TTC6: variants seen among roughly 807,000 people sequenced by gnomAD.
TTC6 encodes the protein tetratricopeptide repeat protein 6.
In TTC6, 172 loss-of-function variants were observed where a neutral mutation model predicts 210.4. The observed-to-expected ratio is 0.82, with a 90% CI of 0.72 to 0.93. The LOEUF (loss-of-function observed/expected upper bound fraction) is 0.93. TTC6 is among the 40% of genes least tolerant of loss of function. TTC6 has a pLI of 0.00. For synonymous variants in TTC6, 804 were observed against 819.6 expected, an observed-to-expected ratio of 0.98 and a Z score of 0.32; for missense variants, 2,414 against 2,318.1, an observed-to-expected ratio of 1.04 and a Z score of -0.85.
At chr14:37,768,144 T>C (rs1464148977) in intron 14 of TTC6, among the ~76,000 whole-genome samples, 1 of 150,548 alleles carries the variant, frequency 6.6e-6, no homozygotes, top group African/African-American at 2.4e-5. Context: ...GGCTCTGTTC[T>C]GTTCCATTGA....
chr14:37,706,860 A>T (rs964854319), intron 5 of TTC6, among the ~76,000 whole-genome samples: 6 of 152,044 alleles, frequency 3.9e-5, no homozygotes. Context: ...TGTCCCTTGT[A>T]GATTGCATAG....
chr14:37,769,835 C>G (rs2096012200), intron 14 of TTC6, among the ~76,000 whole-genome samples: 2 of 151,796 alleles, frequency 1.3e-5, no homozygotes, highest in Admixed American at 6.6e-5. Context: ...TATTTCTTGC[C>G]TTCTGCTAGC....
Position 37,749,726 on chromosome 14 carries a change from G to T in TTC6, c.2839G>T (p.Glu947Ter). The T allele has an allele frequency of 7.0e-7, 1 of 1,430,468 alleles. No homozygotes were observed. The highest frequency in any genetic ancestry group is 1.6e-5 in the South Asian group (1 of 64,254). The allele number at this position is 1,430,468 out of a possible 1,614,324, so 88.6% of individuals were successfully genotyped here. ...ATATATTTTCTAGGTAATACTCTTG[G>T]AACCATTGTTTCTCAATGCCTATTG... Residue 947 changes from glutamate to a stop codon, truncating the protein, a stop_gained, in exon 12 of 31, where the codon GAA (glutamate) becomes TAA (stop). Transcript: ENST00000553443. LOFTEE classifies it high-confidence loss of function.
chr14:37,706,868 T>C (rs1030985717), intron 5 of TTC6, among the ~76,000 whole-genome samples: 1 of 152,104 alleles, frequency 6.6e-6, no homozygotes, highest in East Asian at 1.9e-4. Context: ...GTAGATTGCA[T>C]AGACTTAAAT....
chr14:37,680,080 T>G (rs2095779802), intron 1 of TTC6, 71 bp from the exon 4 acceptor site: 1 of 828,540 alleles, frequency 1.2e-6, no homozygotes, highest in East Asian at 2.7e-5. Flanking sequence ...GACTAGCATT[T>G]TAGTATAATG....
At chr14:37,615,710 C>G (rs1343445325) in intron 2 of TTC6, among the ~76,000 whole-genome samples, 1 of 152,092 alleles carries the variant, frequency 6.6e-6, no homozygotes, top group Non-Finnish European at 1.5e-5. Context: ...ATGTCCTTTT[C>G]TAATAATCTG....
At chr14:37,639,916 GATATATCT>G (rs146831238) in intron 1 of TTC6, among the ~76,000 whole-genome samples, 11,643 of 145,458 alleles carry the variant, frequency 0.08, 619 homozygotes, top group African/African-American at 0.15. Context: ...AGAAAAATAA[GATATATCT>G]ATATATCTAT....
At chr14:37,638,243 C>T (rs566961200) in intron 1 of TTC6, among the ~76,000 whole-genome samples, 87 of 152,128 alleles carry the variant, frequency 5.7e-4, no homozygotes, top group African/African-American at 2.0e-3. Context: ...ATATAATGTT[C>T]TTTCTTTTCT....
intron 2 of TTC6, among the ~76,000 whole-genome samples, chr14:37,608,858 G>A (rs2095629654): frequency 1.3e-5 from 2 of 151,518 alleles, no homozygotes; most frequent in Non-Finnish European, 1.5e-5. Flanking sequence ...TGAACTACAG[G>A]GGGCTTTGAA....
At chr14:37,661,890 G>T (rs1343046473) in intron 1 of TTC6, among the ~76,000 whole-genome samples, 1 of 152,100 alleles carries the variant, frequency 6.6e-6, no homozygotes, top group Non-Finnish European at 1.5e-5. Flanking sequence ...CACTTCCCTT[G>T]TTAGCTGTAT....
intron 1 of TTC6, among the ~76,000 whole-genome samples, chr14:37,669,774 G>T (rs761401049): frequency 5.3e-5 from 8 of 151,884 alleles, no homozygotes; most frequent in Non-Finnish European, 1.0e-4. Context: ...TAATTCCTTG[G>T]ACTTAGAAGT....
At chr14:37,837,214 A>G in intron 29 of TTC6, 1 of 244,146 alleles carries the variant, frequency 4.1e-6, no homozygotes, top group South Asian at 4.0e-5. Flanking sequence ...CTTACCTGAG[A>G]AAAAGAATTT....
Position 37,795,358 on chromosome 14 carries a change from A to G in TTC6, c.3791+6A>G, listed in dbSNP as rs1033537635. 37 of 1,506,700 alleles carry G rather than the reference A, an allele frequency of 2.5e-5. No homozygotes were observed. The African/African-American group carries it at 2.9e-4, about 12-fold the overall frequency. 93.3% of individuals were successfully genotyped at this position (1,506,700 alleles called of 1,614,324 possible). ...ATCCAATTATACATAAGAAGGTATG[A>G]GCATAGAAACTGAATTCTTCTTGGG... is the stretch of plus-strand genomic sequence containing the variant. On this transcript the variant is annotated splice_donor_region_variant and intron_variant, in intron 18 of 30. Transcript: ENST00000553443.
chr14:37,754,306 C>A (rs2095961165), intron 14 of TTC6, among the ~76,000 whole-genome samples: 1 of 152,074 alleles, frequency 6.6e-6, no homozygotes, highest in Non-Finnish European at 1.5e-5. Context: ...TCTCATAGTT[C>A]AATTCCCACT....
chr14:37,796,313 A>T, exon 19 of TTC6: 1 of 1,286,366 alleles, frequency 7.8e-7, no homozygotes, highest in Admixed American at 2.0e-5. Context: ...TCTTCTTATG[A>T]TGAAATATTA....
chr14:37,758,131 TG>T (rs2095973432), intron 14 of TTC6, among the ~76,000 whole-genome samples: 1 of 152,196 alleles, frequency 6.6e-6, no homozygotes, highest in Non-Finnish European at 1.5e-5. Flanking sequence ...AAGTGTGATG[TG>T]GTGCTGAGAA....
chr14:37,709,722 A>C (rs1005730112), intron 5 of TTC6, among the ~76,000 whole-genome samples: 9 of 148,622 alleles, frequency 6.1e-5, no homozygotes, highest in African/African-American at 2.2e-4. Context: ...AAAATTATAT[A>C]GTTATACACT....
chr14:37,599,123 G>A (rs2095610352), intron 1 of TTC6, among the ~76,000 whole-genome samples: 1 of 152,200 alleles, frequency 6.6e-6, no homozygotes, highest in African/African-American at 2.4e-5. Context: ...GGCCTTCGCA[G>A]GTGGATGTGT....
intron 1 of TTC6, among the ~76,000 whole-genome samples, chr14:37,676,238 G>A (rs1436443413): frequency 6.6e-6 from 1 of 152,068 alleles, no homozygotes; most frequent in African/African-American, 2.4e-5. Flanking sequence ...GGGGTGGCCA[G>A]GACACTTACA....
Sources: allele counts gnomAD v4.1 joint callset (sites outside exome capture counted in the v4.1 genomes callset), GRCh38; gene constraint gnomAD v4.1.1; transcripts MANE v1.5; gene names NCBI Gene and HGNC (gene_info 2026-07-23, HGNC 2026-07-21).